Variants in GATA5 observed in about 807,000 individuals in gnomAD.
The protein encoded by GATA5 is transcription factor GATA-5.
Under a neutral mutation model 35.0 loss-of-function variants are expected in GATA5, and 27 were observed. The ratio of observed to expected loss-of-function variants is 0.77; its 90% CI spans 0.57 to 1.06. The LOEUF is 1.06. Among genes scored for constraint, GATA5 ranks in the 50% least tolerant of loss-of-function variants. The pLI, the probability that GATA5 is intolerant of heterozygous loss-of-function variation, is 0.00. For missense variants in GATA5, 612 were observed against 580.0 expected (o/e 1.06, Z -0.57); for synonymous variants, 306 against 267.8 (o/e 1.14, Z -1.39).
At chr20:62,472,620 C>T (rs151194465) in intron 3 of GATA5, among the ~76,000 whole-genome samples, 70 of 152,320 alleles carry the variant, frequency 4.6e-4, no homozygotes, top group African/African-American at 1.5e-3. Context: ...AACTTGCAAA[C>T]GACATCAACA....
intron 3 of GATA5, among the ~76,000 whole-genome samples, chr20:62,469,833 C>T (rs569197409): frequency 1.3e-5 from 2 of 152,210 alleles, no homozygotes; most frequent in African/African-American, 4.8e-5. Flanking sequence ...AGAGGAGCTG[C>T]GGGACCAGAG....
At chr20:62,474,939 G>A (rs1411419439) in intron 2 of GATA5, 60 bp downstream of exon 2, 3 of 1,243,576 alleles carry the variant, frequency 2.4e-6, no homozygotes, top group Non-Finnish European at 3.0e-6. Context: ...CGCAGGGTGC[G>A]GGTTTGCACC....
At chr20:62,466,405 T>C in intron 4 of GATA5, 21 bp downstream of exon 4, 1 of 1,565,408 alleles carries the variant, frequency 6.4e-7, no homozygotes. Context: ...CTCCCCGCCC[T>C]GCCCCGGGGA....
chr20:62,464,999 G>T lies in GATA5; in HGVS notation c.1039-8C>A. On this transcript the variant is annotated splice_polypyrimidine_tract_variant and splice_region_variant and intron_variant, in intron 6 of 6. Transcript: ENST00000252997. ...ATCCTCCTGGCCAGAGGCCTGCAGGGACAGGAGAGCGTGAGAATGTGGGGT... is the reference window on the plus strand; with the variant it reads ...ATCCTCCTGGCCAGAGGCCTGCAGGTACAGGAGAGCGTGAGAATGTGGGGT... 7.6e-7 allele frequency: 1 copy of T among 1,318,058 alleles called. No individual in the cohort carries two copies. Among genetic ancestry groups the T allele is most frequent in the South Asian group, 1.2e-5 (1 of 85,078 alleles). The allele number at this position is 1,318,058 out of a possible 1,614,324, so 81.6% of individuals were successfully genotyped here.
At position 62,475,351 on chromosome 20, in the gene GATA5, C is replaced by T. The variant is rs1989831303; in HGVS notation, c.171G>A (p.Glu57=). The T allele has an allele frequency of 7.9e-7, 1 of 1,258,676 alleles. No individual in the cohort carries two copies. Among genetic ancestry groups the T allele is most frequent in the Non-Finnish European group, 1.0e-6 (1 of 1,000,692 alleles). 78.0% of individuals were successfully genotyped at this position (1,258,676 alleles called of 1,614,324 possible). The part of the protein sequence containing the change: ...SGCEPSPQPP[E]LAARPGWAQT... ...GCGCCCAGCCGGGGCGCGCAGCGAG[C>T]TCGGGGGGCTGCGGGCTCGGCTCAC... is the stretch of plus-strand genomic sequence containing the variant. Residue 57 remains glutamate, a synonymous_variant, in exon 2 of 7, where the codon GAG becomes GAA. Transcript: ENST00000252997.
intron 6 of GATA5, 135 bp downstream of exon 6, chr20:62,465,205 C>T (rs1989550492): frequency 2.8e-6 from 3 of 1,054,256 alleles, no homozygotes; most frequent in Non-Finnish European, 2.7e-6. Flanking sequence ...GGCCACCATA[C>T]TGATGGCCGA....
In GATA5 at chr20:62,475,168, GC is replaced by G; in HGVS notation, c.353del (p.Gly118AlafsTer29). 7.7e-7 allele frequency: 1 copy of G among 1,290,916 alleles called. No individual in the cohort carries two copies. 80.0% of individuals were successfully genotyped at this position (1,290,916 alleles called of 1,614,324 possible). A position where few individuals can be genotyped will look rare whatever the true frequency, so the allele number is the denominator to read the frequency against. On this transcript the variant is annotated frameshift_variant, in exon 2 of 7. Coordinates refer to ENST00000252997, the MANE Select transcript of GATA5 (RefSeq NM_080473.5). LOFTEE classifies it high-confidence loss of function. ...AGGRDGSAYQGALLPREQFAA... is the reference protein window; with the variant it reads ...AGGRDGSAYQXALLPREQFAA... ...CGAACTGTTCTCGAGGCAACAGCGC[GC>G]CCTGGTAGGCACTGCCGTCTCGGCC...
At chr20:62,467,232 A>G (rs1311752017) in intron 3 of GATA5, among the ~76,000 whole-genome samples, 1 of 152,206 alleles carries the variant, frequency 6.6e-6, no homozygotes, top group African/African-American at 2.4e-5. Context: ...CCGTGAGCTC[A>G]GCTGGGGCTC....
intron 2 of GATA5, 31 bp from the exon 3 acceptor site, chr20:62,473,609 C>A: frequency 6.4e-7 from 1 of 1,554,584 alleles, no homozygotes; most frequent in East Asian, 2.4e-5. Context: ...TGGGCCCGGG[C>A]CCTCCCCTCC....
rs1163134674 is a variant in GATA5, at chr20:62,473,672, G to GCGGCTTT, written c.524-101_524-95dup. Reference sequence around the variant, plus strand: ...GCACCCTCCCCTCCCCAGGAGCCTGGCGGCTTTCGTCAGACGAATAAACTT... The same window carrying GCGGCTTT: ...GCACCCTCCCCTCCCCAGGAGCCTGGCGGCTTTCGGCTTTCGTCAGACGAATAAACTT... On this transcript the variant is annotated intron_variant, in intron 2 of 6. Coordinates refer to ENST00000252997, the MANE Select transcript of GATA5 (RefSeq NM_080473.5). 6 of 1,259,552 alleles carry GCGGCTTT rather than the reference G, an allele frequency of 4.8e-6. No individual in the cohort carries two copies. The African/African-American group carries it at 9.1e-5, about 19-fold the overall frequency. 78.0% of individuals were successfully genotyped at this position (1,259,552 alleles called of 1,614,324 possible).
At position 62,464,593 on chromosome 20, in the gene GATA5, G is replaced by C. The variant is rs527750293; in HGVS notation, c.*243C>G. Reference sequence around the variant, plus strand: ...GGTCCGGAGCCTTGGGCCGCACCTGGGGAGTCCCTTGCTGTACGTGGGGTG... The same window carrying C: ...GGTCCGGAGCCTTGGGCCGCACCTGCGGAGTCCCTTGCTGTACGTGGGGTG... On this transcript the variant is annotated 3_prime_UTR_variant, in exon 7 of 7. Coordinates refer to ENST00000252997, the MANE Select transcript of GATA5 (RefSeq NM_080473.5). The C allele has an allele frequency of 4.9e-6, 2 of 408,082 alleles. No homozygotes were observed. Among genetic ancestry groups the C allele is most frequent in the Non-Finnish European group, 8.6e-6 (2 of 231,506 alleles). The allele number at this position is 408,082 out of a possible 1,614,324, so 25.3% of individuals were successfully genotyped here. A position where few individuals can be genotyped will look rare whatever the true frequency, so the allele number is the denominator to read the frequency against.
chr20:62,469,835 G>C (rs1172064864), intron 3 of GATA5, among the ~76,000 whole-genome samples: 1 of 152,214 alleles, frequency 6.6e-6, no homozygotes, highest in Admixed American at 6.5e-5. Context: ...AGGAGCTGCG[G>C]GACCAGAGGA....
rs1555896951 is a variant in GATA5 at position 62,474,988 on chromosome 20, C to T, written c.523+11G>A. On this transcript the variant is annotated intron_variant, in intron 2 of 6. Transcript: ENST00000252997. ...TCCTGGGCCCCGAGACTGTGGAGCC[C>T]CCGCACTCACCGAAGGTGGGCCTGC... is the stretch of plus-strand genomic sequence containing the variant. The T allele has an allele frequency of 7.6e-7, 1 of 1,316,494 alleles. No homozygotes were observed. Among genetic ancestry groups the T allele is most frequent in the Non-Finnish European group, 9.7e-7 (1 of 1,029,846 alleles). The allele number at this position is 1,316,494 out of a possible 1,614,324, so 81.6% of individuals were successfully genotyped here. A position where few individuals can be genotyped will look rare whatever the true frequency, so the allele number is the denominator to read the frequency against.
rs202078502 is a variant in GATA5, at chr20:62,464,909, G to T, written c.1121C>A (p.Thr374Lys). 1.9e-6 allele frequency: 3 copies of T among 1,611,100 alleles called. No homozygotes were observed. The highest frequency in any genetic ancestry group is 2.5e-6 in the Non-Finnish European group (3 of 1,179,078). The change falls in exon 7 of 7, where the codon ACG (threonine) becomes AAG (lysine). Residue 374 changes from threonine (T) to lysine (K), a missense_variant. By Grantham distance (78) the Thr-to-Lys change is moderately conservative. Coordinates refer to ENST00000252997, the MANE Select transcript of GATA5 (RefSeq NM_080473.5). ...GAGGCCAGCCTGGGGGCTTGGGGCC[G>T]TGGAGGGGAAGGCAAAGTCCTCAGG... ...FEPEDFAFPS[T>K]APSPQAGLRG...
Position 62,473,583 on chromosome 20 carries a change from G to A in GATA5, c.524-5C>T, listed in dbSNP as rs914148035. 6.3e-7 allele frequency: 1 copy of A among 1,582,284 alleles called. No individual in the cohort carries two copies. Among genetic ancestry groups the A allele is most frequent in the Non-Finnish European group, 8.6e-7 (1 of 1,163,728 alleles). ...ACTCCTCCAAGAAGTCGGACACTGA[G>A]GGGACAGGCAGCTGGTGGGCCCGGG... On this transcript the variant is annotated splice_polypyrimidine_tract_variant and splice_region_variant and intron_variant, in intron 2 of 6. Transcript: ENST00000252997.
At chr20:62,468,519 GGCAGTT>G (rs1989648595) in intron 3 of GATA5, among the ~76,000 whole-genome samples, 2 of 152,382 alleles carry the variant, frequency 1.3e-5, no homozygotes, top group East Asian at 3.9e-4. Flanking sequence ...CACAGCTGCA[GGCAGTT>G]GCCAAAGGCT....
At chr20:62,465,987 C>T (rs1178977861) in intron 4 of GATA5, 66 bp from the exon 5 acceptor site, 9 of 1,115,474 alleles carry the variant, frequency 8.1e-6, no homozygotes, top group African/African-American at 3.1e-5. Context: ...TTGCACAGCA[C>T]CCCCTCATTC....
chr20:62,471,097 C>G lies in GATA5; in HGVS notation c.699+2306G>C, dbSNP rs112684110. Among the ~76,000 whole-genome samples the G allele has an allele frequency of 2.7e-3, 407 of 152,262 alleles. 2 individuals are homozygous for G. The highest frequency in any genetic ancestry group is 9.3e-3 in the African/African-American group (385 of 41,560). ...AAGGCTCAAAGAGCTGGGGAACTGT[C>G]TACGAGATGCCCCAGCCCAGGAGTC... On this transcript the variant is annotated intron_variant, in intron 3 of 6. Transcript: ENST00000252997.
intron 2 of GATA5, 119 bp downstream of exon 2, chr20:62,474,880 G>A (rs1472346871): frequency 8.0e-6 from 7 of 872,048 alleles, no homozygotes; most frequent in Non-Finnish European, 9.1e-6. Context: ...TGCTGGTGTC[G>A]CTCCTGGCAG....
Sources: allele counts gnomAD v4.1 joint callset (sites outside exome capture counted in the v4.1 genomes callset), GRCh38; gene constraint gnomAD v4.1.1; transcripts MANE v1.5; gene names NCBI Gene and HGNC (gene_info 2026-07-23, HGNC 2026-07-21).